Variants in MDGA2 observed in about 807,000 individuals in gnomAD.
The protein encoded by MDGA2 is MAM domain containing glycosylphosphatidylinositol anchor 2, also known as MAM domain-containing glycosylphosphatidylinositol anchor protein 2.
Under a neutral mutation model 117.8 loss-of-function variants are expected in MDGA2, and 40 were observed. The observed-to-expected ratio is 0.34, with a 90% CI of 0.26 to 0.44. MDGA2 has a LOEUF of 0.44. MDGA2 is among the 20% of genes least tolerant of loss of function. The pLI is 1.00. For missense variants in MDGA2, 1,123 were observed against 1,250.6 expected, an observed-to-expected ratio of 0.90 and a Z score of 1.54; for synonymous variants, 452 against 439.0, an observed-to-expected ratio of 1.03 and a Z score of -0.37.
chr14:47,052,163 G>T (rs980755596), intron 7 of MDGA2, among the ~76,000 whole-genome samples: 4 of 151,778 alleles, frequency 2.6e-5, no homozygotes, highest in African/African-American at 9.7e-5. Context: ...TTGGATTGGA[G>T]AATTTTATAT....
chr14:47,634,858 C>T (rs1897298161), intron 1 of MDGA2, among the ~76,000 whole-genome samples: 1 of 152,056 alleles, frequency 6.6e-6, no homozygotes, highest in Admixed American at 6.5e-5. Flanking sequence ...TGTTCAGGTT[C>T]ACTAACTGAA....
chr14:47,177,129 A>G (rs1884493832), intron 3 of MDGA2, among the ~76,000 whole-genome samples: 1 of 152,186 alleles, frequency 6.6e-6, no homozygotes, highest in Admixed American at 6.5e-5. Flanking sequence ...TTAGAATGGC[A>G]GTCATTAAAA....
intron 1 of MDGA2, among the ~76,000 whole-genome samples, chr14:47,416,778 C>A (rs1892484591): frequency 6.6e-6 from 1 of 152,186 alleles, no homozygotes; most frequent in South Asian, 2.1e-4. Flanking sequence ...CCTGTGCCCC[C>A]ACCTTGGCCT....
intron 1 of MDGA2, among the ~76,000 whole-genome samples, chr14:47,432,900 AG>A (rs1173425897): frequency 1.3e-5 from 2 of 152,090 alleles, no homozygotes; most frequent in African/African-American, 4.8e-5. Context: ...GTAGCATATC[AG>A]AACCCAGGCA....
chr14:47,301,671 A>G (rs1363174562), intron 1 of MDGA2, 121 bp from the exon 2 acceptor site: 4 of 1,059,358 alleles, frequency 3.8e-6, no homozygotes, highest in Non-Finnish European at 5.4e-6. Context: ...GATTAGTCAG[A>G]TTCATCAGTC....
At chr14:46,916,679 CTCT>C (rs1883912431) in intron 10 of MDGA2, among the ~76,000 whole-genome samples, 1 of 152,096 alleles carries the variant, frequency 6.6e-6, no homozygotes, top group South Asian at 2.1e-4. Flanking sequence ...CGTGCTCCTT[CTCT>C]TCTTACACCC....
At chr14:46,990,111 A>C (rs563161411) in intron 8 of MDGA2, among the ~76,000 whole-genome samples, 1 of 152,224 alleles carries the variant, frequency 6.6e-6, no homozygotes, top group African/African-American at 2.4e-5. Context: ...GAAATGTGTT[A>C]ACTTCATTTC....
At chr14:47,009,060 G>A (rs1887807877) in intron 8 of MDGA2, among the ~76,000 whole-genome samples, 1 of 151,870 alleles carries the variant, frequency 6.6e-6, no homozygotes, top group Non-Finnish European at 1.5e-5. Flanking sequence ...AGTATCACCA[G>A]GTTTACGATA....
intron 1 of MDGA2, among the ~76,000 whole-genome samples, chr14:47,372,646 T>C (rs963365829): frequency 1.3e-4 from 20 of 151,930 alleles, no homozygotes; most frequent in Non-Finnish European, 2.5e-4. Flanking sequence ...ATTGTGAAAA[T>C]GAATTTAGCA....
At chr14:47,335,745 T>TATATATATATATATATATATATATATAC in intron 1 of MDGA2, among the ~76,000 whole-genome samples, 1 of 95,556 alleles carries the variant, frequency 1.0e-5, no homozygotes, top group Non-Finnish European at 2.2e-5. Flanking sequence ...TATATATATA[T>TATATATATATATATATATATATATATAC]ATACATACAT....
intron 8 of MDGA2, among the ~76,000 whole-genome samples, chr14:47,018,990 A>C (rs1415438121): frequency 6.6e-6 from 1 of 152,120 alleles, no homozygotes; most frequent in African/African-American, 2.4e-5. Flanking sequence ...TTAGATTATA[A>C]TCTTTCTAGT....
chr14:47,068,068 G>C (rs941846850), intron 6 of MDGA2, among the ~76,000 whole-genome samples: 1 of 152,072 alleles, frequency 6.6e-6, no homozygotes, highest in Non-Finnish European at 1.5e-5. Context: ...AGAGTCAGAC[G>C]ATGAAATGAA....
chr14:47,529,919 C>A (rs1020697455), intron 1 of MDGA2, among the ~76,000 whole-genome samples: 2 of 152,128 alleles, frequency 1.3e-5, no homozygotes, highest in African/African-American at 4.8e-5. Context: ...TAGGGAGACC[C>A]CCTGAAACTA....
intron 1 of MDGA2, among the ~76,000 whole-genome samples, chr14:47,663,484 T>C (rs1897887835): frequency 6.6e-6 from 1 of 152,220 alleles, no homozygotes; most frequent in Non-Finnish European, 1.5e-5. Flanking sequence ...ATAGAGAATA[T>C]GGAAGTGGAC....
intron 2 of MDGA2, among the ~76,000 whole-genome samples, chr14:47,228,658 T>C (rs1886589156): frequency 1.3e-5 from 2 of 152,128 alleles, no homozygotes; most frequent in South Asian, 4.1e-4. Flanking sequence ...TGTAACCTCA[T>C]TGTAAGTCAA....
rs866423623 is a variant in MDGA2, at chr14:47,042,333, G to A, written c.1526-7029C>T. 6.6e-5 allele frequency among the ~76,000 whole-genome samples: 8 copies of A among 120,786 alleles called. No homozygotes were observed. The East Asian group carries it at 1.8e-3, about 27-fold the overall frequency. The allele number at this position is 120,786 out of a possible 152,430, so 79.2% of individuals were successfully genotyped here. A position where few individuals can be genotyped will look rare whatever the true frequency, so the allele number is the denominator to read the frequency against. Reference sequence around the variant, plus strand: ...CTATGTTTTTTTTTTTTTTTTGTGTGTGTGTGTGTGTGTATGCACACGCAT... The same window carrying A: ...CTATGTTTTTTTTTTTTTTTTGTGTATGTGTGTGTGTGTATGCACACGCAT... On this transcript the variant is annotated intron_variant, in intron 7 of 16. Transcript: ENST00000399232.
At chr14:47,264,745 C>T (rs755501240) in intron 2 of MDGA2, among the ~76,000 whole-genome samples, 7 of 151,624 alleles carry the variant, frequency 4.6e-5, no homozygotes, top group African/African-American at 7.3e-5. Context: ...TAGGTATACA[C>T]GTGCCATGGT....
chr14:47,009,953 C>G lies in MDGA2; in HGVS notation c.1819+25058G>C, dbSNP rs145802755. Among the ~76,000 whole-genome samples, 344 of 152,168 alleles carry G rather than the reference C, an allele frequency of 2.3e-3. 4 individuals carry two copies. The highest frequency in any genetic ancestry group is 8.0e-3 in the African/African-American group (332 of 41,552). The stretch of plus-strand genomic sequence containing the variant: ...TGAATCTTCATGCATGCTGGTTTCT[C>G]TGTCCCTTACCCCCCTTTCCCAACC... On this transcript the variant is annotated intron_variant, in intron 8 of 16. Transcript: ENST00000399232.
At chr14:46,964,031 G>A (rs1051791653) in intron 8 of MDGA2, among the ~76,000 whole-genome samples, 2 of 152,136 alleles carry the variant, frequency 1.3e-5, no homozygotes, top group African/African-American at 4.8e-5. Context: ...GTGATGCTGT[G>A]CCAATTTCTG....
Sources: allele counts gnomAD v4.1 joint callset (sites outside exome capture counted in the v4.1 genomes callset), GRCh38; gene constraint gnomAD v4.1.1; transcripts MANE v1.5; gene names NCBI Gene and HGNC (gene_info 2026-07-23, HGNC 2026-07-21).